ARHGAP35: variants seen among roughly 807,000 people sequenced by gnomAD.
The protein encoded by ARHGAP35 is Rho GTPase activating protein 35.
A neutral mutation model predicts 111.1 loss-of-function variants in ARHGAP35; 15 were observed. The observed-to-expected ratio is 0.13, with a 90% confidence interval of 0.09 to 0.21. The LOEUF (loss-of-function observed/expected upper bound fraction) is 0.21, where lower values mean the gene tolerates loss of function less well. Among genes scored for constraint, ARHGAP35 ranks in the 10% least tolerant of loss-of-function variants. The pLI is 1.00. For synonymous variants in ARHGAP35, 643 were observed against 710.3 expected (o/e 0.91, Z 1.51); for missense variants, 1,262 against 1,873.0 (o/e 0.67, Z 6.02).
At chr19:46,932,850 A>G (rs2056280807) in intron 2 of ARHGAP35, among the ~76,000 whole-genome samples, 2 of 152,142 alleles carry the variant, frequency 1.3e-5, no homozygotes, top group East Asian at 3.9e-4. Flanking sequence ...TTGTAAATGG[A>G]AGGATTGAAC....
intron 1 of ARHGAP35, among the ~76,000 whole-genome samples, chr19:46,874,144 A>C (rs1174772646): frequency 6.6e-6 from 1 of 152,196 alleles, no homozygotes; most frequent in African/African-American, 2.4e-5. Flanking sequence ...GTTAAGCAGA[A>C]GAGGGAACAA....
intron 3 of ARHGAP35, among the ~76,000 whole-genome samples, chr19:46,960,196 C>T (rs990261363): frequency 1.3e-5 from 2 of 151,986 alleles, no homozygotes; most frequent in Admixed American, 6.6e-5. Flanking sequence ...GCCTTCTCTC[C>T]ATTAGCCCTG....
chr19:46,892,921 G>A (rs1286628308), intron 1 of ARHGAP35, among the ~76,000 whole-genome samples: 1 of 152,080 alleles, frequency 6.6e-6, no homozygotes, highest in Non-Finnish European at 1.5e-5. Context: ...TGTAAGTCCA[G>A]TTCTCCATGC....
At chr19:46,899,181 T>C (rs2122164622) in intron 1 of ARHGAP35, among the ~76,000 whole-genome samples, 1 of 152,250 alleles carries the variant, frequency 6.6e-6, no homozygotes, top group Middle Eastern at 3.4e-3. Flanking sequence ...GAAGGCATTA[T>C]TTTACACTGA....
At chr19:46,966,165 T>C (rs988778719) in intron 3 of ARHGAP35, among the ~76,000 whole-genome samples, 2 of 152,220 alleles carry the variant, frequency 1.3e-5, no homozygotes, top group Non-Finnish European at 2.9e-5. Context: ...ATTTTTTTCT[T>C]TCTTTGCAAA....
At chr19:46,957,470 A>G (rs2056446485) in intron 3 of ARHGAP35, among the ~76,000 whole-genome samples, 1 of 152,118 alleles carries the variant, frequency 6.6e-6, no homozygotes. Context: ...AAAATTTGCC[A>G]GGCATGGTAG....
chr19:46,947,255 G>A (rs1410713149), intron 3 of ARHGAP35: 1 of 152,172 alleles, frequency 6.6e-6, no homozygotes, highest in Non-Finnish European at 1.5e-5. Flanking sequence ...AACTCAGATA[G>A]CCCCCATGTG....
chr19:46,896,215 G>C (rs1480100316), intron 1 of ARHGAP35, among the ~76,000 whole-genome samples: 1 of 152,102 alleles, frequency 6.6e-6, no homozygotes, highest in Non-Finnish European at 1.5e-5. Flanking sequence ...ACCAGCCTAG[G>C]CAACATGGTG....
At chr19:46,917,663 A>G (rs542206970) in intron 1 of ARHGAP35, among the ~76,000 whole-genome samples, 2 of 152,090 alleles carry the variant, frequency 1.3e-5, no homozygotes, top group African/African-American at 2.4e-5. Flanking sequence ...TATATATCAC[A>G]TTTTGCTTAT....
intron 1 of ARHGAP35, among the ~76,000 whole-genome samples, chr19:46,863,627 A>T (rs2122847994): frequency 6.6e-6 from 1 of 151,630 alleles, no homozygotes; most frequent in South Asian, 2.1e-4. Flanking sequence ...TAAGCCAGCA[A>T]CCCTAGGAGT....
At chr19:46,912,670 T>C (rs2056143959) in intron 1 of ARHGAP35, among the ~76,000 whole-genome samples, 1 of 152,200 alleles carries the variant, frequency 6.6e-6, no homozygotes, top group Admixed American at 6.5e-5. Context: ...TCTCTTCTTA[T>C]TGAAACTTTT....
At chr19:46,893,990 C>G (rs1421571011) in intron 1 of ARHGAP35, among the ~76,000 whole-genome samples, 1 of 149,360 alleles carries the variant, frequency 6.7e-6, no homozygotes, top group African/African-American at 2.5e-5. Flanking sequence ...CCAAACTTCT[C>G]TACTGATTTG....
chr19:46,895,355 G>A (rs1369243590), intron 1 of ARHGAP35, among the ~76,000 whole-genome samples: 1 of 151,856 alleles, frequency 6.6e-6, no homozygotes, highest in Non-Finnish European at 1.5e-5. Context: ...TAGTAGAGGC[G>A]GGGTTTCACC....
intron 1 of ARHGAP35, among the ~76,000 whole-genome samples, chr19:46,875,012 A>T (rs1056145411): frequency 7.0e-6 from 1 of 143,284 alleles, no homozygotes; most frequent in South Asian, 2.2e-4. Flanking sequence ...GGGTTTCACC[A>T]TGTTGGTCAG....
Position 46,937,273 on chromosome 19 carries a change from C to T in ARHGAP35, c.3691C>T (p.Pro1231Ser), listed in dbSNP as rs1299909217. The T allele has an allele frequency of 2.3e-5, 37 of 1,613,660 alleles. No individual in the cohort carries two copies. The highest frequency in any genetic ancestry group is 3.1e-5 in the Non-Finnish European group (36 of 1,179,758). The change falls in exon 3 of 7, where the codon CCC becomes TCC. Residue 1231 changes from proline (P) to serine (S), a missense_variant. Transcript: ENST00000672722. ...TCTCTTTCCTGGACAGAAACCAAAG[C>T]CCAAACCCCGGCCATCCATCACAAA... ...SLRRNTKKPKPKPRPSITKAT... is the reference protein window; with the variant it reads ...SLRRNTKKPKSKPRPSITKAT...
intron 3 of ARHGAP35, among the ~76,000 whole-genome samples, chr19:46,968,023 G>C (rs2056525228): frequency 6.6e-6 from 1 of 152,190 alleles, no homozygotes; most frequent in South Asian, 2.1e-4. Context: ...TGGATCCTAA[G>C]TTCCTTGAGG....
In ARHGAP35 at chr19:46,906,950, G is replaced by A. The variant is rs143436298; in HGVS notation, c.-188-11538G>A. On this transcript the variant is annotated intron_variant, in intron 1 of 6. Transcript: ENST00000672722. ...CAAAAAATACAGAAGTTAGCCAGGC[G>A]CGATGGCACATGCCTGTAGTCCCAG... 9.7e-3 allele frequency among the ~76,000 whole-genome samples: 1,471 copies of A among 152,126 alleles called. 20 individuals are homozygous for A. Among genetic ancestry groups the A allele is most frequent in the African/African-American group, 0.031 (1,302 of 41,504 alleles).
intron 1 of ARHGAP35, among the ~76,000 whole-genome samples, chr19:46,904,994 G>A (rs1245780672): frequency 6.6e-6 from 1 of 152,182 alleles, no homozygotes; most frequent in East Asian, 1.9e-4. Context: ...GTTCTGGACT[G>A]GGGTTCCTGT....
At position 46,919,650 on chromosome 19, in the gene ARHGAP35, C is replaced by T. The variant is rs573758131; in HGVS notation, c.975C>T (p.Ile325=). 5.6e-5 allele frequency: 91 copies of T among 1,613,946 alleles called. 2 individuals are homozygous for T. The South Asian group carries it at 9.9e-4, about 18-fold the overall frequency. ...CCAAGAAGCTGTTTCTACAGCACATCCACCGCCTCAAGCATGAGCATATCG... is the reference window on the plus strand; with the variant it reads ...CCAAGAAGCTGTTTCTACAGCACATTCACCGCCTCAAGCATGAGCATATCG... ...QKAKKLFLQH[I]HRLKHEHIER... is the part of the protein sequence containing the mutation. The change falls in exon 2 of 7, where the codon ATC becomes ATT. Residue 325 remains isoleucine (I), a synonymous_variant. Coordinates refer to ENST00000672722, the MANE Select transcript of ARHGAP35 (RefSeq NM_004491.5). The surrounding 1 kb of genome is among the most constrained non-coding windows in gnomAD (Gnocchi z 6.2).
Sources: allele counts gnomAD v4.1 joint callset (sites outside exome capture counted in the v4.1 genomes callset), GRCh38; gene constraint gnomAD v4.1.1; non-coding constraint Gnocchi (gnomAD v3.1); transcripts MANE v1.5; gene names NCBI Gene and HGNC (gene_info 2026-07-23, HGNC 2026-07-21).